PIP5K1B: variants seen among roughly 807,000 people sequenced by gnomAD.
PIP5K1B encodes phosphatidylinositol 4-phosphate 5-kinase type-1 beta.
In PIP5K1B, 42 loss-of-function variants were observed where a neutral mutation model predicts 67.0. The ratio of observed to expected loss-of-function variants is 0.63; its 90% confidence interval spans 0.49 to 0.81. The LOEUF (loss-of-function observed/expected upper bound fraction) is 0.81. PIP5K1B is among the 30% of genes least tolerant of loss of function. PIP5K1B has a pLI of 0.00. For synonymous variants in PIP5K1B, 214 were observed against 231.4 expected (o/e 0.92, Z 0.68); for missense variants, 459 against 646.3 (o/e 0.71, Z 3.14).
chr9:68,899,312 T>C (rs1055331611), intron 8 of PIP5K1B, among the ~76,000 whole-genome samples: 6 of 152,198 alleles, frequency 3.9e-5, no homozygotes, highest in Admixed American at 3.3e-4. Flanking sequence ...TGGGACTTAA[T>C]ACACTGTTAC....
intron 9 of PIP5K1B, 48 bp downstream of exon 9, chr9:68,917,807 C>T (rs779057833): frequency 2.0e-5 from 26 of 1,325,188 alleles, no homozygotes; most frequent in African/African-American, 1.3e-4. Context: ...TGGCAGCCCA[C>T]GTCACTGGGT....
intron 4 of PIP5K1B, among the ~76,000 whole-genome samples, chr9:68,856,817 C>A (rs888956423): frequency 6.6e-6 from 1 of 152,142 alleles, no homozygotes; most frequent in Non-Finnish European, 1.5e-5. Context: ...CAGGGTCAAT[C>A]CTGAAGTAGA....
intron 2 of PIP5K1B, among the ~76,000 whole-genome samples, chr9:68,755,616 A>C (rs1161633710): frequency 2.0e-5 from 3 of 152,216 alleles, no homozygotes; most frequent in Admixed American, 2.0e-4. Flanking sequence ...TTTGTGTCTG[A>C]GTAATTGCTA....
At chr9:68,936,467 A>G (rs1443985822) in intron 13 of PIP5K1B, among the ~76,000 whole-genome samples, 1 of 152,070 alleles carries the variant, frequency 6.6e-6, no homozygotes, top group African/African-American at 2.4e-5. Flanking sequence ...CTAATCAAAT[A>G]TGGGAGAATG....
At chr9:68,783,014 A>G (rs1831387433) in intron 2 of PIP5K1B, 1 of 166,848 alleles carries the variant, frequency 6.0e-6, no homozygotes, top group African/African-American at 2.4e-5. Flanking sequence ...GTTGCCCCTG[A>G]TTTTGCCTTA....
rs73647051 is a variant in PIP5K1B at position 68,963,567 on chromosome 9, A to G, written c.1502+22777A>G. Among the ~76,000 whole-genome samples, 866 of 152,174 alleles carry G rather than the reference A, an allele frequency of 5.7e-3. 7 individuals carry two copies. The highest frequency in any genetic ancestry group is 0.02 in the African/African-American group (811 of 41,530). On this transcript the variant is annotated intron_variant, in intron 14 of 15. Transcript: ENST00000265382. Reference sequence around the variant, plus strand: ...TAAGCCCAGGAATCCATGCAGTTGCATAGGTCACATGACCCTGTAGTCAGC... The same window carrying G: ...TAAGCCCAGGAATCCATGCAGTTGCGTAGGTCACATGACCCTGTAGTCAGC...
chr9:68,981,261 G>A (rs1235839142), intron 14 of PIP5K1B, among the ~76,000 whole-genome samples: 5 of 152,136 alleles, frequency 3.3e-5, no homozygotes, highest in African/African-American at 1.2e-4. Flanking sequence ...CACTAGGTAT[G>A]TTATTTACAG....
intron 2 of PIP5K1B, chr9:68,780,099 T>A: frequency 6.8e-7 from 1 of 1,463,068 alleles, no homozygotes; most frequent in Non-Finnish European, 9.0e-7. Context: ...GCGGCGGCCC[T>A]GGACTGCGGG....
chr9:68,846,958 A>G (rs1356791788), intron 4 of PIP5K1B, among the ~76,000 whole-genome samples: 1 of 152,206 alleles, frequency 6.6e-6, no homozygotes, highest in Non-Finnish European at 1.5e-5. Context: ...CAAGAAAAAA[A>G]CTGCAGGACC....
At chr9:68,837,641 A>G (rs1193596073) in intron 4 of PIP5K1B, among the ~76,000 whole-genome samples, 3 of 109,966 alleles carry the variant, frequency 2.7e-5, no homozygotes, top group South Asian at 5.2e-4. Context: ...AAGCTTTTAT[A>G]TAGTCAAATT....
chr9:68,955,000 G>A (rs943109790), intron 14 of PIP5K1B, among the ~76,000 whole-genome samples: 8 of 152,176 alleles, frequency 5.3e-5, no homozygotes, highest in Non-Finnish European at 1.2e-4. Context: ...TATAATATTT[G>A]TATAAATAGT....
intron 1 of PIP5K1B, among the ~76,000 whole-genome samples, chr9:68,722,868 C>T (rs994019651): frequency 9.2e-5 from 14 of 152,004 alleles, no homozygotes; most frequent in Non-Finnish European, 2.9e-5. Flanking sequence ...ACTATAATTT[C>T]CCTACTGTAC....
intron 2 of PIP5K1B, chr9:68,780,686 T>C: frequency 1.2e-6 from 2 of 1,614,224 alleles, no homozygotes; most frequent in Non-Finnish European, 1.7e-6. Context: ...CTCCAAGCCC[T>C]ATTCCCAGCC....
intron 2 of PIP5K1B, among the ~76,000 whole-genome samples, chr9:68,816,053 T>C (rs543400312): frequency 1.3e-5 from 2 of 152,300 alleles, no homozygotes; most frequent in African/African-American, 2.4e-5. Flanking sequence ...AAAATAACTA[T>C]ATATAATCCC....
chr9:68,944,123 G>C (rs1291393509), intron 14 of PIP5K1B, among the ~76,000 whole-genome samples: 1 of 152,160 alleles, frequency 6.6e-6, no homozygotes, highest in Non-Finnish European at 1.5e-5. Flanking sequence ...AAGTTGCACT[G>C]TGCAGTCTTG....
intron 6 of PIP5K1B, among the ~76,000 whole-genome samples, chr9:68,878,051 G>GTGTA (rs1823993507): frequency 6.6e-6 from 1 of 150,994 alleles, no homozygotes; most frequent in Non-Finnish European, 1.5e-5. Flanking sequence ...GTGTGTGTGT[G>GTGTA]TGTTAGAGAA....
At chr9:68,918,274 G>T (rs1826201871) in intron 9 of PIP5K1B, among the ~76,000 whole-genome samples, 1 of 151,964 alleles carries the variant, frequency 6.6e-6, no homozygotes, top group Non-Finnish European at 1.5e-5. Flanking sequence ...ATTTTTAGTA[G>T]AGATGGAGTT....
intron 14 of PIP5K1B, among the ~76,000 whole-genome samples, chr9:68,970,612 G>A (rs916813662): frequency 1.3e-5 from 2 of 152,208 alleles, no homozygotes; most frequent in Non-Finnish European, 2.9e-5. Flanking sequence ...ACGATGGTGT[G>A]TACCCTTTTT....
intron 4 of PIP5K1B, among the ~76,000 whole-genome samples, chr9:68,850,016 A>G (rs10781232): frequency 0.8 from 121,150 of 152,124 alleles, 48,312 homozygotes; most frequent in Admixed American, 0.85. Context: ...CAGAATGACC[A>G]TGGCTTAAGC....
Sources: gnomAD v4.1 joint callset for allele counts (sites outside exome capture counted in the v4.1 genomes callset) on GRCh38, gnomAD v4.1.1 for gene constraint, MANE v1.5 for transcripts, NCBI Gene and HGNC (gene_info 2026-07-23, HGNC 2026-07-21) for gene names.